The following MAPK10 variants were observed in gnomAD, a reference collection of about 807,000 sequenced individuals.
MAPK10 encodes the protein mitogen-activated protein kinase 10.
In MAPK10, 25 loss-of-function variants were observed where a neutral mutation model predicts 59.3. That is an observed-to-expected ratio of 0.42 (90% CI 0.31 to 0.59). The LOEUF (loss-of-function observed/expected upper bound fraction) is 0.59, where lower values mean the gene tolerates loss of function less well. MAPK10 is among the 20% of genes least tolerant of loss of function. MAPK10 has a pLI of 0.15. For missense variants in MAPK10, 351 were observed against 568.9 expected, an observed-to-expected ratio of 0.62 and a Z score of 3.90; for synonymous variants, 190 against 200.5, an observed-to-expected ratio of 0.95 and a Z score of 0.44.
At chr4:86,369,435 G>A (rs1738413345) in intron 1 of MAPK10, among the ~76,000 whole-genome samples, 1 of 152,088 alleles carries the variant, frequency 6.6e-6, no homozygotes, top group Non-Finnish European at 1.5e-5. Flanking sequence ...AATAGTACAA[G>A]TAATAGTAAT....
intron 2 of MAPK10, among the ~76,000 whole-genome samples, chr4:86,217,338 C>T (rs1398211834): frequency 6.6e-6 from 1 of 152,110 alleles, no homozygotes; most frequent in Non-Finnish European, 1.5e-5. Flanking sequence ...TTCTGTCATC[C>T]TTATAATTTG....
At chr4:86,273,765 T>C (rs1201015452) in intron 2 of MAPK10, among the ~76,000 whole-genome samples, 1 of 152,050 alleles carries the variant, frequency 6.6e-6, no homozygotes, top group Non-Finnish European at 1.5e-5. Context: ...TGCTTTTCCT[T>C]ATAGTTGTGA....
At chr4:86,364,203 T>A (rs571229165), upstream of MAPK10, among the ~76,000 whole-genome samples, 1 of 152,272 alleles carries the variant, frequency 6.6e-6, no homozygotes, top group African/African-American at 2.4e-5. Flanking sequence ...CTCAGCTCAC[T>A]GTAGCCTCAA....
chr4:86,254,870 G>T (rs1473424553), intron 2 of MAPK10, among the ~76,000 whole-genome samples: 1 of 151,938 alleles, frequency 6.6e-6, no homozygotes, highest in Non-Finnish European at 1.5e-5. Flanking sequence ...TATAAAAATT[G>T]GGGTTTTTGT....
chr4:86,237,698 GT>G (rs1026348458), intron 2 of MAPK10, among the ~76,000 whole-genome samples: 4 of 151,870 alleles, frequency 2.6e-5, no homozygotes, highest in African/African-American at 7.2e-5. Context: ...CTTTTTGATG[GT>G]TTTTTTATTG....
intron 1 of MAPK10, among the ~76,000 whole-genome samples, chr4:86,578,575 C>T (rs553796680): frequency 1.3e-5 from 2 of 152,234 alleles, no homozygotes; most frequent in East Asian, 1.9e-4. Flanking sequence ...TCTTAAAAGA[C>T]CTGAAGCACT....
chr4:86,519,016 C>T (rs988164592), intron 1 of MAPK10, among the ~76,000 whole-genome samples: 2 of 152,004 alleles, frequency 1.3e-5, no homozygotes, highest in African/African-American at 4.8e-5. Context: ...TTTACTGAGA[C>T]TTGTTTTGCA....
chr4:86,488,554 T>C (rs1185357709), intron 1 of MAPK10, among the ~76,000 whole-genome samples: 2 of 152,244 alleles, frequency 1.3e-5, no homozygotes, highest in Admixed American at 1.3e-4. Flanking sequence ...TTATGATATG[T>C]ATCCTCTAAT....
At chr4:86,302,919 A>G (rs1407218589) in intron 2 of MAPK10, among the ~76,000 whole-genome samples, 1 of 152,202 alleles carries the variant, frequency 6.6e-6, no homozygotes, top group Non-Finnish European at 1.5e-5. Flanking sequence ...ATTTTATTTC[A>G]AGCCACATTT....
At chr4:86,018,347 G>C (rs984803288) in intron 13 of MAPK10, among the ~76,000 whole-genome samples, 10 of 118,092 alleles carry the variant, frequency 8.5e-5, no homozygotes, top group African/African-American at 3.0e-4. Context: ...GACTGTTGAT[G>C]AAAGTTACAA....
At chr4:86,029,311 T>G in intron 12 of MAPK10, 37 bp from the exon 13 acceptor site, 2 of 1,297,690 alleles carry the variant, frequency 1.5e-6, no homozygotes, top group South Asian at 1.2e-5. Context: ...GAAAACAAAT[T>G]TATCCTTCAT....
At chr4:86,161,172 G>A (rs2069507217) in intron 3 of MAPK10, among the ~76,000 whole-genome samples, 1 of 151,982 alleles carries the variant, frequency 6.6e-6, no homozygotes, top group Admixed American at 6.6e-5. Context: ...AGAATAGAGT[G>A]GACTTATAGG....
chr4:86,190,680 C>A (rs886649744), intron 3 of MAPK10, among the ~76,000 whole-genome samples: 2 of 148,492 alleles, frequency 1.3e-5, no homozygotes, highest in African/African-American at 4.9e-5. Context: ...ATTTTGTTAA[C>A]CTTTTCAAAA....
At chr4:86,122,278 C>A (rs1416876728) in intron 4 of MAPK10, among the ~76,000 whole-genome samples, 1 of 152,086 alleles carries the variant, frequency 6.6e-6, no homozygotes, top group African/African-American at 2.4e-5. Context: ...CTAACTATCT[C>A]AAAACACTCT....
chr4:86,389,303 T>C lies in MAPK10; in HGVS notation c.-121-34659A>G, dbSNP rs140311217. Among the ~76,000 whole-genome samples the C allele has an allele frequency of 4.1e-3, 624 of 152,312 alleles. 6 individuals carry two copies. Among genetic ancestry groups the C allele is most frequent in the African/African-American group, 0.014 (596 of 41,568 alleles). ...GCTGCCCGTACAGCCTGCAGAACCATGAGCCAACTAAACCTATTTTCATTA... is the reference window on the plus strand; with the variant it reads ...GCTGCCCGTACAGCCTGCAGAACCACGAGCCAACTAAACCTATTTTCATTA... On this transcript the variant is annotated intron_variant, in intron 1 of 13. Coordinates refer to the MAPK10 transcript ENST00000361569.
At chr4:86,186,713 C>A (rs547277838) in intron 3 of MAPK10, among the ~76,000 whole-genome samples, 4 of 152,066 alleles carry the variant, frequency 2.6e-5, no homozygotes, top group Non-Finnish European at 4.4e-5. Context: ...AGGTAACATA[C>A]AATTTTTTGC....
At chr4:86,340,583 G>C (rs996067361) in intron 2 of MAPK10, 2 of 152,046 alleles carry the variant, frequency 1.3e-5, no homozygotes, top group Admixed American at 1.3e-4. Flanking sequence ...CCTGACACTT[G>C]GGGATTACAA....
chr4:86,102,215 G>C (rs771736410), intron 6 of MAPK10, 183 bp from the exon 7 acceptor site: 26 of 473,816 alleles, frequency 5.5e-5, no homozygotes, highest in Admixed American at 2.1e-4. Flanking sequence ...CTACCAAAAG[G>C]TTGCTAGTAG....
At position 86,281,732 on chromosome 4, in the gene MAPK10, T is replaced by A. The variant is rs76062568; in HGVS notation, c.-7+72798A>T. On this transcript the variant is annotated intron_variant, in intron 2 of 13. Transcript: ENST00000641462. ...ACATAGTCTTTCAAGGAATGTCCCA[T>A]TTGCCCAGAACACAAGTTTTTCCTA... Among the ~76,000 whole-genome samples the A allele has an allele frequency of 2.6e-5, 4 of 152,138 alleles. No homozygotes were observed. In the East Asian group the frequency reaches 7.8e-4, roughly 30 times the overall value.
Sources: gnomAD v4.1 joint callset for allele counts (sites outside exome capture counted in the v4.1 genomes callset) on GRCh38, gnomAD v4.1.1 for gene constraint, MANE v1.5 for transcripts, NCBI Gene and HGNC (gene_info 2026-07-23, HGNC 2026-07-21) for gene names.